The following BRCA2 variants were observed in gnomAD, a reference collection of about 807,000 sequenced individuals.
BRCA2 encodes the protein BRCA2 DNA repair associated.
BRCA2 carries 203 observed loss-of-function variants against 276.7 expected under a neutral mutation model. The ratio of observed to expected loss-of-function variants is 0.73; its 90% CI spans 0.65 to 0.82. BRCA2 has a LOEUF of 0.82. BRCA2 is among the 40% of genes least tolerant of loss of function. BRCA2 has a pLI of 0.00. For missense variants in BRCA2, 3,920 were observed against 3,915.0 expected, an observed-to-expected ratio of 1.00 and a Z score of -0.03; for synonymous variants, 1,289 against 1,338.4, an observed-to-expected ratio of 0.96 and a Z score of 0.81.
rs80358388 is a variant in BRCA2, at chr13:32,398,583, C to G, written c.10070C>G (p.Thr3357Arg). ...ACCCAAGCTCTTTTGTCTGGTTCAA[C>G]AGGAGAAAAACAATTTATATCTGTC... ...INTQALLSGS[T>R]GEKQFISVSE... is the part of the protein sequence containing the mutation. Residue 3357 changes from threonine (T) to arginine (R), a missense_variant, in exon 27 of 27, where the codon ACA becomes AGA. By Grantham distance (71) the Thr-to-Arg change is moderately conservative. Coordinates refer to ENST00000380152, the MANE Select transcript of BRCA2 (RefSeq NM_000059.4). 6.2e-7 allele frequency: 1 copy of G among 1,614,102 alleles called. No homozygotes were observed. Among genetic ancestry groups the G allele is most frequent in the Non-Finnish European group, 8.5e-7 (1 of 1,180,022 alleles).
intron 24 of BRCA2, among the ~76,000 whole-genome samples, chr13:32,380,631 C>T (rs943495509): frequency 1.3e-5 from 2 of 149,518 alleles, no homozygotes; most frequent in African/African-American, 4.9e-5. Flanking sequence ...AGTTCTGCCT[C>T]CCAGGTTCAC....
Position 32,337,012 on chromosome 13 carries a change from A to G in BRCA2, c.2657A>G (p.Asn886Ser), listed in dbSNP as rs80358526. Residue 886 changes from asparagine (N) to serine (S), a missense_variant, in exon 11 of 27, where the codon AAT (asparagine) becomes AGT (serine). Asn to Ser is a conservative substitution (Grantham distance 46). Around this residue, in one of 2 missense-constraint regions of BRCA2, gnomAD observed 3,263 missense variants for 3,156.9 expected, o/e 1.03. Transcript: ENST00000380152. ...GACTCTGAAGAACTTTTCTCAGACA[A>G]TGAGAATAATTTTGTCTTCCAAGTA... ...NPDSEELFSDNENNFVFQVAN... is the reference protein window; with the variant it reads ...NPDSEELFSDSENNFVFQVAN... The G allele has an allele frequency of 2.5e-6, 4 of 1,590,422 alleles. No individual in the cohort carries two copies. The South Asian group carries it at 3.5e-5, about 14-fold the overall frequency.
At chr13:32,331,755 C>T (rs1013487834) in intron 9 of BRCA2, among the ~76,000 whole-genome samples, 3 of 151,004 alleles carry the variant, frequency 2.0e-5, no homozygotes, top group African/African-American at 7.3e-5. Flanking sequence ...TTTAGATATA[C>T]CATAGTTTAC....
At chr13:32,361,770 T>C (rs1031185825) in intron 16 of BRCA2, among the ~76,000 whole-genome samples, 1 of 151,830 alleles carries the variant, frequency 6.6e-6, no homozygotes, top group Admixed American at 6.6e-5. Flanking sequence ...TTATGGAAGT[T>C]CTCTTTTGAT....
intron 18 of BRCA2, among the ~76,000 whole-genome samples, chr13:32,363,917 A>T (rs1192896299): frequency 6.6e-6 from 1 of 152,134 alleles, no homozygotes; most frequent in East Asian, 1.9e-4. Flanking sequence ...CTCTATGTAG[A>T]TTTTAAACTA....
rs1400122318 is a variant in BRCA2 at position 32,336,302 on chromosome 13, G to A, written c.1947G>A (p.Gln649=). The change falls in exon 11 of 27, where the codon CAG becomes CAA. Residue 649 remains glutamine, a synonymous_variant. Transcript: ENST00000380152. The part of the protein sequence containing the change: ...LHSSVKRSCS[Q]NDSEEPTLSL... ...CTTCTGTGAAAAGAAGCTGTTCACA[G>A]AATGATTCTGAAGAACCAACTTTGT... is the stretch of plus-strand genomic sequence containing the variant. The A allele has an allele frequency of 6.2e-7, 1 of 1,602,896 alleles. No homozygotes were observed. The highest frequency in any genetic ancestry group is 8.5e-7 in the Non-Finnish European group (1 of 1,175,696).
chr13:32,356,590 C>G lies in BRCA2; in HGVS notation c.7598C>G (p.Ser2533Cys), dbSNP rs80358987. The stretch of plus-strand genomic sequence containing the variant: ...GCAGCAGTAGGAGGCCAAGTTCCCT[C>G]TGCGTGTTCTCATAAACAGGTATGT... Reference protein sequence around the residue: ...LKAAVGGQVPSACSHKQLYTY... With the variant: ...LKAAVGGQVPCACSHKQLYTY... The change falls in exon 15 of 27, where the codon TCT becomes TGT. Residue 2533 changes from serine (S) to cysteine (C), a missense_variant. Around this residue, in one of 2 missense-constraint regions of BRCA2, gnomAD observed 3,263 missense variants for 3,156.9 expected, o/e 1.03. Coordinates refer to ENST00000380152, the MANE Select transcript of BRCA2 (RefSeq NM_000059.4). 8 of 1,614,196 alleles carry G rather than the reference C, an allele frequency of 5.0e-6. No individual in the cohort carries two copies. The highest frequency in any genetic ancestry group is 2.2e-5 in the South Asian group (2 of 91,088).
intron 24 of BRCA2, among the ~76,000 whole-genome samples, chr13:32,381,609 C>A (rs945273697): frequency 2.0e-5 from 3 of 152,112 alleles, no homozygotes; most frequent in Admixed American, 6.5e-5. Context: ...AAGTAACATC[C>A]AGGGACAGAG....
chr13:32,368,001 C>CTTTTTTTTTTT lies in BRCA2; in HGVS notation c.8332-2375_8332-2365dup, dbSNP rs71071031. On this transcript the variant is annotated intron_variant, in intron 18 of 26. Coordinates refer to ENST00000380152, the MANE Select transcript of BRCA2 (RefSeq NM_000059.4). ...ATTAGGGTTGTCTTTTCTTCTAATT[C>CTTTTTTTTTTT]TTTTTTTTTTTTTTTTTTTTTTTTT... 3.2e-4 allele frequency among the ~76,000 whole-genome samples: 16 copies of CTTTTTTTTTTT among 50,728 alleles called. 4 individuals are homozygous for CTTTTTTTTTTT. The highest frequency in any genetic ancestry group is 4.9e-4 in the African/African-American group (6 of 12,200). The allele number at this position is 50,728 out of a possible 152,430, so 33.3% of individuals were successfully genotyped here. A position where few individuals can be genotyped will look rare whatever the true frequency, so the allele number is the denominator to read the frequency against.
In BRCA2 at chr13:32,376,723, C is replaced by A. The variant is rs373203204; in HGVS notation, c.8686C>A (p.Arg2896Ser). 2.5e-6 allele frequency: 4 copies of A among 1,614,092 alleles called. No homozygotes were observed. Among genetic ancestry groups the A allele is most frequent in the Non-Finnish European group, 3.4e-6 (4 of 1,179,994 alleles). ...PSRALTRQQV[R>S]ALQDGAELYE... ...ACGTGCACTAACAAGACAGCAAGTT[C>A]GTGCTTTGCAAGATGGTGCAGAGCT... Residue 2896 changes from arginine to serine, a missense_variant, in exon 21 of 27, where the codon CGT (arginine) becomes AGT (serine). Coordinates refer to ENST00000380152, the MANE Select transcript of BRCA2 (RefSeq NM_000059.4).
intron 18 of BRCA2, among the ~76,000 whole-genome samples, chr13:32,369,831 C>T (rs944223925): frequency 2.0e-5 from 3 of 152,238 alleles, no homozygotes; most frequent in African/African-American, 7.2e-5. Flanking sequence ...GCCTCGGCCT[C>T]CCAAAGTGTT....
intron 8 of BRCA2, among the ~76,000 whole-genome samples, chr13:32,329,827 C>T (rs978541040): frequency 6.6e-6 from 1 of 151,710 alleles, no homozygotes; most frequent in Non-Finnish European, 1.5e-5. Context: ...TACCTATAAT[C>T]TTTTTTTCTA....
rs80358797 is a variant in BRCA2 at position 32,340,078 on chromosome 13, T to C, written c.5723T>C (p.Leu1908Pro). ...DDSEDILHNS[L>P]DNDECSTHSH... is the part of the protein sequence containing the mutation. ...TCAGAGGATATTCTTCATAACTCTC[T>C]AGATAATGATGAATGTAGCACGCAT... The change falls in exon 11 of 27, where the codon CTA becomes CCA. Residue 1908 changes from leucine (L) to proline (P), a missense_variant. Coordinates refer to ENST00000380152, the MANE Select transcript of BRCA2 (RefSeq NM_000059.4). The C allele has an allele frequency of 1.4e-5, 23 of 1,613,720 alleles. No individual in the cohort carries two copies. Among genetic ancestry groups the C allele is most frequent in the Non-Finnish European group, 1.9e-5 (22 of 1,179,808 alleles).
intron 25 of BRCA2, 79 bp downstream of exon 25, chr13:32,395,012 A>G (rs2073026610): frequency 6.3e-7 from 1 of 1,583,108 alleles, no homozygotes; most frequent in East Asian, 2.2e-5. Flanking sequence ...AATAGCTTTT[A>G]TACAAATTGG....
In BRCA2 at chr13:32,338,968, C is replaced by T. The variant is rs754643404; in HGVS notation, c.4613C>T (p.Ser1538Phe). 6.2e-7 allele frequency: 1 copy of T among 1,613,722 alleles called. No individual in the cohort carries two copies. Among genetic ancestry groups the T allele is most frequent in the Non-Finnish European group, 8.5e-7 (1 of 1,179,840 alleles). ...AAAAAAGTTAAAATTGCAAAGGAAT[C>T]TTTGGACAAAGTGAAAAACCTTTTT... is the stretch of plus-strand genomic sequence containing the variant. ...SGKKVKIAKE[S>F]LDKVKNLFDE... Residue 1538 changes from serine (S) to phenylalanine (F), a missense_variant, in exon 11 of 27, where the codon TCT becomes TTT. Ser to Phe is a radical substitution (Grantham distance 155). Transcript: ENST00000380152.
In BRCA2 at chr13:32,338,595, A is replaced by G. The variant is rs878853581; in HGVS notation, c.4240A>G (p.Thr1414Ala). The G allele has an allele frequency of 6.3e-7, 1 of 1,596,796 alleles. No individual in the cohort carries two copies. The highest frequency in any genetic ancestry group is 8.5e-7 in the Non-Finnish European group (1 of 1,170,304). Residue 1414 changes from threonine (T) to alanine (A), a missense_variant, in exon 11 of 27, where the codon ACG becomes GCG. Around this residue, in one of 2 missense-constraint regions of BRCA2, gnomAD observed 3,263 missense variants for 3,156.9 expected, o/e 1.03. Coordinates refer to ENST00000380152, the MANE Select transcript of BRCA2 (RefSeq NM_000059.4). ...SNKEQLTATK[T>A]EQNIKDFETS... ...TAAAGAACAGTTAACTGCTACTAAAACGGAGCAAAATATAAAAGATTTTGA... is the reference window on the plus strand; with the variant it reads ...TAAAGAACAGTTAACTGCTACTAAAGCGGAGCAAAATATAAAAGATTTTGA...
At chr13:32,370,813 G>A (rs187417155) in intron 19 of BRCA2, 143 bp from the exon 20 acceptor site, 98 of 1,092,322 alleles carry the variant, frequency 9.0e-5, no homozygotes, top group Middle Eastern at 8.8e-4. Flanking sequence ...GGCTGATCTC[G>A]AACTCCTGAC....
intron 4 of BRCA2, among the ~76,000 whole-genome samples, chr13:32,325,610 A>G (rs368968954): frequency 2.7e-5 from 4 of 146,482 alleles, no homozygotes; most frequent in Non-Finnish European, 4.5e-5. Context: ...GTGCGATCTC[A>G]GCTCACTGCA....
chr13:32,377,791 G>A (rs1024410386), intron 21 of BRCA2, among the ~76,000 whole-genome samples: 2 of 152,116 alleles, frequency 1.3e-5, no homozygotes, highest in African/African-American at 4.8e-5. Flanking sequence ...TAGGGAGGAA[G>A]GAGCAAATAT....
Sources: gnomAD v4.1 joint callset for allele counts (sites outside exome capture counted in the v4.1 genomes callset) on GRCh38, gnomAD v4.1.1 for gene constraint, gnomAD v4.1.1 regional missense constraint, MANE v1.5 for transcripts, NCBI Gene and HGNC (gene_info 2026-07-23, HGNC 2026-07-21) for gene names.